Variants in TMTC2 observed in about 807,000 individuals in gnomAD.
TMTC2 encodes the protein protein O-mannosyl-transferase TMTC2.
Under a neutral mutation model 82.4 loss-of-function variants are expected in TMTC2, and 43 were observed. The observed-to-expected ratio is 0.52, with a 90% CI of 0.41 to 0.67. The LOEUF is 0.67. Among genes scored for constraint, TMTC2 ranks in the 30% least tolerant of loss-of-function variants. TMTC2 has a pLI of 0.00. For missense variants in TMTC2, 919 were observed against 1,012.4 expected (o/e 0.91, Z 1.25); for synonymous variants, 408 against 381.9 (o/e 1.07, Z -0.80).
intron 1 of TMTC2, among the ~76,000 whole-genome samples, chr12:82,803,018 CA>C (rs1743751138): frequency 6.6e-6 from 1 of 152,130 alleles, no homozygotes; most frequent in Non-Finnish European, 1.5e-5. Context: ...GTGTTATCAA[CA>C]GGACTTAATG....
intron 9 of TMTC2, among the ~76,000 whole-genome samples, chr12:83,036,805 A>G (rs1461546406): frequency 6.6e-6 from 1 of 152,112 alleles, no homozygotes; most frequent in South Asian, 2.1e-4. Context: ...ATTCAAGGGC[A>G]TTGCCTTTGC....
At chr12:82,729,603 A>C (rs909052809) in intron 1 of TMTC2, among the ~76,000 whole-genome samples, 3 of 152,160 alleles carry the variant, frequency 2.0e-5, no homozygotes, top group African/African-American at 7.2e-5. Context: ...GGGATTGTAA[A>C]TGCACCAATC....
chr12:82,792,187 G>A (rs6539692), intron 1 of TMTC2, among the ~76,000 whole-genome samples: 55,546 of 151,790 alleles, frequency 0.37, 10,655 homozygotes, highest in Middle Eastern at 0.55. Context: ...CTAATGATAC[G>A]TTAGCATTAT....
chr12:83,038,547 C>A (rs1226323656), intron 9 of TMTC2, among the ~76,000 whole-genome samples: 1 of 151,826 alleles, frequency 6.6e-6, no homozygotes, highest in African/African-American at 2.4e-5. Context: ...AATATCTGAT[C>A]TAAATATCTG....
chr12:82,747,669 A>C (rs1875759968), intron 1 of TMTC2, among the ~76,000 whole-genome samples: 1 of 152,218 alleles, frequency 6.6e-6, no homozygotes, highest in African/African-American at 2.4e-5. Flanking sequence ...TCAATGGAGT[A>C]TTGTTCCTTC....
At chr12:83,112,613 G>A (rs1489723187) in intron 11 of TMTC2, among the ~76,000 whole-genome samples, 1 of 152,150 alleles carries the variant, frequency 6.6e-6, no homozygotes, top group Non-Finnish European at 1.5e-5. Context: ...TAATTAGATA[G>A]TAAAGTATTC....
At chr12:82,941,593 G>A (rs936350138) in intron 4 of TMTC2, among the ~76,000 whole-genome samples, 2 of 152,100 alleles carry the variant, frequency 1.3e-5, no homozygotes, top group African/African-American at 4.8e-5. Context: ...CTGGCCATGT[G>A]TTCTTATCTG....
At chr12:82,769,724 C>T (rs1877182611) in intron 1 of TMTC2, among the ~76,000 whole-genome samples, 1 of 152,098 alleles carries the variant, frequency 6.6e-6, no homozygotes, top group Non-Finnish European at 1.5e-5. Context: ...GATTCTCCTA[C>T]CTCAGCCTCC....
At chr12:82,904,998 TC>T (rs1306019543) in intron 3 of TMTC2, among the ~76,000 whole-genome samples, 2 of 151,150 alleles carry the variant, frequency 1.3e-5, no homozygotes, top group Non-Finnish European at 2.9e-5. Flanking sequence ...TTTTTTTTTT[TC>T]CTAAAACCTG....
chr12:82,924,824 A>C (rs990107389), intron 3 of TMTC2, among the ~76,000 whole-genome samples: 1 of 152,150 alleles, frequency 6.6e-6, no homozygotes, highest in African/African-American at 2.4e-5. Flanking sequence ...CAAGAGTGAC[A>C]TTTCGAAAAT....
At chr12:82,698,677 A>AT (rs1272114997) in intron 1 of TMTC2, among the ~76,000 whole-genome samples, 1 of 152,228 alleles carries the variant, frequency 6.6e-6, no homozygotes, top group African/African-American at 2.4e-5. Flanking sequence ...AATTTATAAT[A>AT]TAAAGTAGGC....
intron 1 of TMTC2, among the ~76,000 whole-genome samples, chr12:82,761,998 G>A (rs1042069625): frequency 1.9e-5 from 2 of 106,700 alleles, no homozygotes; most frequent in African/African-American, 7.4e-5. Flanking sequence ...GCCAAGTCAC[G>A]CTCTGTTGCC....
intron 1 of TMTC2, among the ~76,000 whole-genome samples, chr12:82,846,002 G>A (rs572339248): frequency 3.3e-5 from 5 of 149,872 alleles, no homozygotes; most frequent in African/African-American, 4.9e-5. Context: ...TTGCTTTATC[G>A]GGGGAACTAA....
chr12:82,687,630 A>G lies in TMTC2; in HGVS notation c.44A>G (p.Tyr15Cys). 6.2e-7 allele frequency: 1 copy of G among 1,605,002 alleles called. No homozygotes were observed. The highest frequency in any genetic ancestry group is 8.5e-7 in the Non-Finnish European group (1 of 1,176,968). Residue 15 changes from tyrosine to cysteine, a missense_variant, in exon 1 of 12, where the codon TAT (tyrosine) becomes TGT (cysteine). By Grantham distance (194) the Tyr-to-Cys change is radical. Transcript: ENST00000321196. ...LVSSALGLAL[Y>C]LNTLSADFCY... is the part of the protein sequence containing the mutation. ...AGCAGCGCTCTGGGGCTCGCCTTGT[A>G]TCTCAACACCCTGAGTGCGGATTTC...
At chr12:82,798,571 C>T (rs1268692026) in intron 1 of TMTC2, among the ~76,000 whole-genome samples, 2 of 150,666 alleles carry the variant, frequency 1.3e-5, no homozygotes, top group African/African-American at 2.4e-5. Context: ...TTTGGGAGGC[C>T]GAGGTGGTTG....
intron 2 of TMTC2, among the ~76,000 whole-genome samples, chr12:82,893,942 C>T (rs1217245764): frequency 6.6e-6 from 1 of 151,920 alleles, no homozygotes; most frequent in East Asian, 1.9e-4. Context: ...CTAGTGATGA[C>T]AGAGGAGATG....
intron 1 of TMTC2, among the ~76,000 whole-genome samples, chr12:82,794,927 G>A (rs1369357034): frequency 6.6e-6 from 1 of 152,060 alleles, no homozygotes; most frequent in African/African-American, 2.4e-5. Flanking sequence ...GAAATCCTTT[G>A]GAAAAATAAA....
chr12:82,864,009 G>A (rs919820934), intron 2 of TMTC2, among the ~76,000 whole-genome samples: 1 of 152,112 alleles, frequency 6.6e-6, no homozygotes, highest in Non-Finnish European at 1.5e-5. Flanking sequence ...AGACATTTGA[G>A]TAGAACCTTG....
At chr12:82,704,821 A>T (rs1374333059) in intron 1 of TMTC2, among the ~76,000 whole-genome samples, 3 of 152,196 alleles carry the variant, frequency 2.0e-5, no homozygotes, top group Non-Finnish European at 4.4e-5. Flanking sequence ...AAATTAAGAA[A>T]GCAACAAAAA....
Sources: gnomAD v4.1 joint callset for allele counts (sites outside exome capture counted in the v4.1 genomes callset) on GRCh38, gnomAD v4.1.1 for gene constraint, MANE v1.5 for transcripts, NCBI Gene and HGNC (gene_info 2026-07-23, HGNC 2026-07-21) for gene names.